GRK5: variants seen among roughly 807,000 people sequenced by gnomAD.
GRK5 encodes the protein G protein-coupled receptor kinase 5.
A neutral mutation model predicts 78.4 loss-of-function variants in GRK5; 40 were observed. The observed-to-expected ratio is 0.51, with a 90% CI of 0.40 to 0.66. GRK5 has a LOEUF of 0.66. Ranked by LOEUF, GRK5 falls within the 30% of genes least tolerant of loss-of-function variation. The probability of loss-of-function intolerance (pLI) is 0.00; values close to 1 mark genes in which losing one functional copy is unlikely to be tolerated. For missense variants in GRK5, 598 were observed against 759.9 expected, an observed-to-expected ratio of 0.79 and a Z score of 2.50; for synonymous variants, 289 against 296.8, an observed-to-expected ratio of 0.97 and a Z score of 0.27.
chr10:119,455,065 TAGTTTCGGCTCTGGCCTCCAAGTCCAC>T lies in GRK5; in HGVS notation c.*2_*28del, dbSNP rs766008746. ...CAGCTCGAACTCCACCGGAAGCAGC[TAGTTTCGGCTCTGGCCTCCAAGTCCAC>T]AGTGGAACCAGCCCAGACCCTTCTC... On this transcript the variant is annotated stop_retained_variant and 3_prime_UTR_variant, in exon 16 of 16. Coordinates refer to ENST00000392870, the MANE Select transcript of GRK5 (RefSeq NM_005308.3). 34 of 1,612,112 alleles carry T rather than the reference TAGTTTCGGCTCTGGCCTCCAAGTCCAC, an allele frequency of 2.1e-5. No individual in the cohort carries two copies. Among genetic ancestry groups the T allele is most frequent in the Non-Finnish European group, 2.7e-5 (32 of 1,178,334 alleles).
chr10:119,326,042 C>T (rs959095448), intron 1 of GRK5, among the ~76,000 whole-genome samples: 1 of 152,166 alleles, frequency 6.6e-6, no homozygotes, highest in Non-Finnish European at 1.5e-5. Flanking sequence ...AGTTCTTGTC[C>T]CCCAACATCT....
At chr10:119,242,680 A>G (rs1849046004) in intron 1 of GRK5, among the ~76,000 whole-genome samples, 1 of 151,920 alleles carries the variant, frequency 6.6e-6, no homozygotes, top group South Asian at 2.1e-4. Context: ...GATGGTTTCC[A>G]CCTTGCTGTT....
intron 1 of GRK5, among the ~76,000 whole-genome samples, chr10:119,213,687 A>G (rs922671650): frequency 2.0e-5 from 3 of 152,164 alleles, no homozygotes; most frequent in African/African-American, 7.2e-5. Context: ...TTACCATCCA[A>G]AAACTGGAAG....
At chr10:119,272,298 C>T (rs764684341) in intron 1 of GRK5, among the ~76,000 whole-genome samples, 4 of 152,142 alleles carry the variant, frequency 2.6e-5, no homozygotes, top group African/African-American at 4.8e-5. Flanking sequence ...TGCATGAGGC[C>T]GGGCGTGGTG....
At chr10:119,279,823 AG>A (rs757811181) in intron 1 of GRK5, among the ~76,000 whole-genome samples, 6 of 152,234 alleles carry the variant, frequency 3.9e-5, no homozygotes, top group Non-Finnish European at 7.3e-5. Flanking sequence ...TCATGTGAAA[AG>A]TAGAGCAGCT....
chr10:119,226,229 C>T (rs1006176968), intron 1 of GRK5, among the ~76,000 whole-genome samples: 8 of 151,626 alleles, frequency 5.3e-5, no homozygotes, highest in African/African-American at 1.2e-4. Context: ...CTGCCCGTCT[C>T]GGCTCCCCAA....
At chr10:119,231,172 C>T (rs752026760) in intron 1 of GRK5, among the ~76,000 whole-genome samples, 16 of 152,062 alleles carry the variant, frequency 1.1e-4, no homozygotes, top group African/African-American at 3.6e-4. Flanking sequence ...AAACTGTTCA[C>T]CTGACAAGGG....
chr10:119,415,101 AAAG>A (rs1852423006), intron 4 of GRK5, among the ~76,000 whole-genome samples: 2 of 151,166 alleles, frequency 1.3e-5, no homozygotes, highest in Admixed American at 6.6e-5. Flanking sequence ...AAAAAAAAAA[AAAG>A]AAAAAGAAAA....
chr10:119,366,850 A>G (rs1037273650), intron 2 of GRK5, among the ~76,000 whole-genome samples: 1 of 152,156 alleles, frequency 6.6e-6, no homozygotes, highest in Admixed American at 6.5e-5. Flanking sequence ...TAAAAGTTAA[A>G]AGATGCAGAA....
intron 3 of GRK5, among the ~76,000 whole-genome samples, chr10:119,394,228 G>A (rs1187073110): frequency 6.7e-6 from 1 of 149,142 alleles, no homozygotes; most frequent in Non-Finnish European, 1.5e-5. Context: ...ACGTGTGGGT[G>A]TGGGTGTGTG....
At chr10:119,449,770 C>T (rs193007286) in intron 13 of GRK5, among the ~76,000 whole-genome samples, 26 of 152,290 alleles carry the variant, frequency 1.7e-4, no homozygotes, top group Admixed American at 5.9e-4. Flanking sequence ...GCCTGGGCGA[C>T]GGAGCGAGAC....
At position 119,207,654 on chromosome 10, in the gene GRK5, G is replaced by C. The variant is rs1196251641; in HGVS notation, c.-264G>C. 3 of 392,610 alleles carry C rather than the reference G, an allele frequency of 7.6e-6. No individual in the cohort carries two copies. The highest frequency in any genetic ancestry group is 1.4e-5 in the Non-Finnish European group (3 of 219,584). 24.3% of individuals were successfully genotyped at this position (392,610 alleles called of 1,614,324 possible). ...CAGAGACACGCGGAGGGTGGGGGGT[G>C]GGGGGGAGCGTGTTGAGGGAGGGGG... is the stretch of plus-strand genomic sequence containing the variant. On this transcript the variant is annotated 5_prime_UTR_variant, in exon 1 of 16. Coordinates refer to ENST00000392870, the MANE Select transcript of GRK5 (RefSeq NM_005308.3).
intron 12 of GRK5, among the ~76,000 whole-genome samples, chr10:119,447,693 G>A (rs1853183527): frequency 6.6e-6 from 1 of 152,232 alleles, no homozygotes; most frequent in African/African-American, 2.4e-5. Context: ...TAGAGGCCAA[G>A]TGCCTCGGTG....
At chr10:119,371,533 G>A (rs1851547727) in intron 2 of GRK5, among the ~76,000 whole-genome samples, 2 of 152,266 alleles carry the variant, frequency 1.3e-5, no homozygotes, top group African/African-American at 4.8e-5. Context: ...ACTGGGTTAT[G>A]AGATTTGAAC....
intron 1 of GRK5, among the ~76,000 whole-genome samples, chr10:119,252,444 C>T (rs557345897): frequency 9.2e-5 from 14 of 152,198 alleles, no homozygotes; most frequent in African/African-American, 3.1e-4. Flanking sequence ...CTCTCTGGGC[C>T]GTGTGGATGG....
At chr10:119,443,423 G>T in intron 11 of GRK5, 121 bp from the exon 12 acceptor site, 1 of 805,500 alleles carries the variant, frequency 1.2e-6, no homozygotes, top group East Asian at 2.7e-5. Flanking sequence ...GGAGGGGGTG[G>T]TATTCACAGC....
At chr10:119,427,101 G>A (rs1852699246) in intron 6 of GRK5, among the ~76,000 whole-genome samples, 1 of 151,512 alleles carries the variant, frequency 6.6e-6, no homozygotes, top group South Asian at 2.1e-4. Flanking sequence ...GCCATCATCA[G>A]CATCACTGCT....
intron 1 of GRK5, among the ~76,000 whole-genome samples, chr10:119,221,041 A>G (rs555945194): frequency 2.1e-5 from 3 of 141,666 alleles, no homozygotes; most frequent in African/African-American, 7.9e-5. Flanking sequence ...CTGTAGTCCC[A>G]GCTACTCGGG....
intron 4 of GRK5, among the ~76,000 whole-genome samples, chr10:119,418,980 G>T (rs187559212): frequency 3.5e-4 from 54 of 152,322 alleles, no homozygotes; most frequent in African/African-American, 1.2e-3. Flanking sequence ...CTGACCATCA[G>T]CTCCATCCCA....
Sources: gnomAD v4.1 joint callset for allele counts (sites outside exome capture counted in the v4.1 genomes callset) on GRCh38, gnomAD v4.1.1 for gene constraint, MANE v1.5 for transcripts, NCBI Gene and HGNC (gene_info 2026-07-23, HGNC 2026-07-21) for gene names.